Variants in WFDC8 observed in about 807,000 individuals in gnomAD.
WFDC8 encodes the protein WAP four-disulfide core domain 8, also known as WAP four-disulfide core domain protein 8.
In WFDC8, 24 loss-of-function variants were observed where a neutral mutation model predicts 27.0. The observed-to-expected ratio is 0.89, with a 90% CI of 0.64 to 1.25. The LOEUF is 1.25. Ranked by LOEUF, WFDC8 falls within the 50% of genes most tolerant of loss-of-function variation. The probability of loss-of-function intolerance (pLI) is 0.00; values close to 1 mark genes in which losing one functional copy is unlikely to be tolerated. For missense variants in WFDC8, 287 were observed against 295.9 expected (o/e 0.97, Z 0.22); for synonymous variants, 106 against 99.7 (o/e 1.06, Z -0.38).
At position 45,558,863 on chromosome 20, in the gene WFDC8, T is replaced by A; in HGVS notation, c.266A>T (p.Asp89Val). 1 of 1,614,116 alleles carries A rather than the reference T, an allele frequency of 6.2e-7. No homozygotes were observed. Among genetic ancestry groups the A allele is most frequent in the Non-Finnish European group, 8.5e-7 (1 of 1,180,004 alleles). ...CTGGACATCGCTACCTTGAAAGGGA[T>A]CCATGCACTTCTTCTGACAGGCAAA... ...CFFACQKKCM[D>V]PFQEPCMLPV... Residue 89 changes from aspartate to valine, a missense_variant, in exon 3 of 6, where the codon GAT becomes GTT. Asp to Val is a radical substitution (Grantham distance 152, BLOSUM62 -3). Coordinates refer to ENST00000289953, the MANE Select transcript of WFDC8 (RefSeq NM_130896.3).
intron 1 of WFDC8, chr20:45,568,799 C>A: frequency 2.4e-6 from 1 of 420,298 alleles, no homozygotes; most frequent in South Asian, 1.9e-5. Flanking sequence ...TGTCTTCACA[C>A]AAAGACATAA....
chr20:45,554,148 C>A (rs1410859505), intron 4 of WFDC8, among the ~76,000 whole-genome samples: 1 of 115,984 alleles, frequency 8.6e-6, no homozygotes, highest in Non-Finnish European at 2.0e-5. Flanking sequence ...CACGTGACAC[C>A]ATGCCTGTTT....
chr20:45,577,832 C>T (rs1981097702), intron 1 of WFDC8, among the ~76,000 whole-genome samples: 1 of 149,344 alleles, frequency 6.7e-6, no homozygotes. Context: ...CACGGTGAAA[C>T]CCTGTCTCTA....
rs145117328 is a variant in WFDC8 at position 45,562,112 on chromosome 20, T to G, written c.134A>C (p.Lys45Thr). The change falls in exon 2 of 6, where the codon AAA becomes ACA. Residue 45 changes from lysine (K) to threonine (T), a missense_variant and splice_region_variant. Lys to Thr is a moderately conservative substitution (Grantham distance 78, BLOSUM62 -1). Coordinates refer to ENST00000289953, the MANE Select transcript of WFDC8 (RefSeq NM_130896.3). ...WTSAMLTKKI[K>T]HKPGLCPKER... Reference sequence around the variant, plus strand: ...GGCTGCAGCTTTTTTGAACTCACGTTTGATCTTCTTGGTCAGCATTGCAGA... The same window carrying G: ...GGCTGCAGCTTTTTTGAACTCACGTGTGATCTTCTTGGTCAGCATTGCAGA... 2.2e-3 allele frequency: 3,595 copies of G among 1,613,888 alleles called. 6 individuals carry two copies. Among genetic ancestry groups the G allele is most frequent in the South Asian group, 3.3e-3 (305 of 91,078 alleles).
chr20:45,565,978 A>T (rs912775005), intron 1 of WFDC8, among the ~76,000 whole-genome samples: 2 of 152,198 alleles, frequency 1.3e-5, no homozygotes, highest in African/African-American at 4.8e-5. Context: ...TTTTAAAAAA[A>T]TATATTTTTT....
intron 1 of WFDC8, among the ~76,000 whole-genome samples, chr20:45,575,019 T>A (rs1980996489): frequency 6.6e-6 from 1 of 152,102 alleles, no homozygotes; most frequent in African/African-American, 2.4e-5. Context: ...ATAGAAGGAA[T>A]GTACATCAAC....
intron 2 of WFDC8, among the ~76,000 whole-genome samples, chr20:45,560,713 C>A (rs1980436797): frequency 3.9e-5 from 6 of 152,194 alleles, no homozygotes; most frequent in Admixed American, 3.3e-4. Flanking sequence ...ACTTCAGGAG[C>A]CCCACGTCTT....
At chr20:45,552,364 T>G (rs911351731) in intron 5 of WFDC8, among the ~76,000 whole-genome samples, 199 bp from the exon 6 acceptor site, 2 of 152,180 alleles carry the variant, frequency 1.3e-5, no homozygotes, top group Non-Finnish European at 2.9e-5. Context: ...AAGAAAAGTC[T>G]TACCATCTCT....
intron 1 of WFDC8, among the ~76,000 whole-genome samples, chr20:45,566,628 A>T (rs563887105): frequency 6.6e-6 from 1 of 152,300 alleles, no homozygotes; most frequent in African/African-American, 2.4e-5. Context: ...GCACCACTGC[A>T]CTCCAGCCTG....
rs544248775 is a variant in WFDC8, at chr20:45,553,269, A to G, written c.453T>C (p.Asp151=). The change falls in exon 5 of 6, where the codon GAT becomes GAC. Residue 151 remains aspartate (D), a synonymous_variant. Transcript: ENST00000289953. ...TGAAAGGGAAGAGTGGGCATTGTCC[A>G]TCCTTAACTAAAATAAGAGCAGATG... is the stretch of plus-strand genomic sequence containing the variant. ...CRTACMLIVK[D]GQCPLFPFTE... is the part of the protein sequence containing the mutation. 5 of 1,612,976 alleles carry G rather than the reference A, an allele frequency of 3.1e-6. No homozygotes were observed. In the African/African-American group the frequency reaches 6.7e-5, roughly 22 times the overall value.
At chr20:45,573,921 C>T (rs1170957405) in intron 1 of WFDC8, among the ~76,000 whole-genome samples, 3 of 152,082 alleles carry the variant, frequency 2.0e-5, no homozygotes, top group Admixed American at 2.0e-4. Context: ...ATTGCTACAG[C>T]TTTGTAGTAT....
chr20:45,556,272 T>C (rs1189306635), intron 3 of WFDC8, among the ~76,000 whole-genome samples: 1 of 152,254 alleles, frequency 6.6e-6, no homozygotes, highest in Non-Finnish European at 1.5e-5. Context: ...GGTTATATCA[T>C]ATATCATTTT....
At chr20:45,563,082 C>T (rs566911584) in intron 1 of WFDC8, among the ~76,000 whole-genome samples, 1 of 152,286 alleles carries the variant, frequency 6.6e-6, no homozygotes, top group South Asian at 2.1e-4. Context: ...GAAGCCATAC[C>T]ATGTGGCTGC....
intron 1 of WFDC8, among the ~76,000 whole-genome samples, chr20:45,572,124 G>A (rs1273258756): frequency 6.6e-6 from 1 of 152,088 alleles, no homozygotes; most frequent in Admixed American, 6.5e-5. Context: ...TTTTCAGCCA[G>A]GTGCAGTGGC....
Position 45,553,233 on chromosome 20 carries a change from CT to C in WFDC8, c.488del (p.Lys163ArgfsTer72). On this transcript the variant is annotated frameshift_variant, in exon 5 of 6. Transcript: ENST00000289953. LOFTEE classifies it high-confidence loss of function. ...CACTGTGACATGAAGGTGGACACTC[CT>C]TACGTTCAGTGAAAGGGAAGAGTGG... ...QCPLFPFTER[K>X]ECPPSCHSDI... is the part of the protein sequence containing the mutation. The C allele has an allele frequency of 6.2e-7, 1 of 1,613,884 alleles. No individual in the cohort carries two copies. Among genetic ancestry groups the C allele is most frequent in the Non-Finnish European group, 8.5e-7 (1 of 1,179,792 alleles).
At chr20:45,561,799 C>A (rs890743675) in intron 2 of WFDC8, among the ~76,000 whole-genome samples, 1 of 149,906 alleles carries the variant, frequency 6.7e-6, no homozygotes, top group Admixed American at 6.7e-5. Context: ...ATGTAATCAC[C>A]CAAGAATTAT....
intron 5 of WFDC8, 109 bp downstream of exon 5, chr20:45,553,027 A>T: frequency 7.4e-7 from 1 of 1,351,010 alleles, no homozygotes; most frequent in Non-Finnish European, 1.0e-6. Context: ...ATCCTCAAAG[A>T]TGAGCCCAAG....
intron 1 of WFDC8, among the ~76,000 whole-genome samples, chr20:45,569,116 C>T (rs966257556): frequency 1.3e-5 from 2 of 152,198 alleles, no homozygotes; most frequent in Admixed American, 1.3e-4. Context: ...AGGGGGTCTG[C>T]AGATGACCTT....
At chr20:45,565,067 A>G (rs1261081783) in intron 1 of WFDC8, among the ~76,000 whole-genome samples, 3 of 146,104 alleles carry the variant, frequency 2.1e-5, no homozygotes, top group African/African-American at 7.6e-5. Context: ...AGAGAGAGGG[A>G]GGGAAAGGAA....
Sources: allele counts gnomAD v4.1 joint callset (sites outside exome capture counted in the v4.1 genomes callset), GRCh38; gene constraint gnomAD v4.1.1; transcripts MANE v1.5; gene names NCBI Gene and HGNC (gene_info 2026-07-23, HGNC 2026-07-21).